Variants in NRXN3 observed in about 807,000 individuals in gnomAD.
NRXN3 encodes the protein neurexin 3.
Under a neutral mutation model 137.6 loss-of-function variants are expected in NRXN3, and 32 were observed. The ratio of observed to expected loss-of-function variants is 0.23; its 90% CI spans 0.18 to 0.31. The LOEUF (loss-of-function observed/expected upper bound fraction) is 0.31. Ranked by LOEUF, NRXN3 falls within the 10% of genes least tolerant of loss-of-function variation. The pLI, the probability that NRXN3 is intolerant of heterozygous loss-of-function variation, is 1.00. For synonymous variants in NRXN3, 798 were observed against 784.5 expected, an observed-to-expected ratio of 1.02 and a Z score of -0.29; for missense variants, 1,574 against 2,062.5, an observed-to-expected ratio of 0.76 and a Z score of 4.59.
At chr14:79,400,292 G>T (rs2095156285) in intron 15 of NRXN3, among the ~76,000 whole-genome samples, 1 of 152,086 alleles carries the variant, frequency 6.6e-6, no homozygotes, top group Non-Finnish European at 1.5e-5. Flanking sequence ...TAGTCTCTGG[G>T]AAGACTACGT....
chr14:79,098,053 C>T (rs2050658635), intron 15 of NRXN3, among the ~76,000 whole-genome samples: 1 of 152,186 alleles, frequency 6.6e-6, no homozygotes, highest in Non-Finnish European at 1.5e-5. Flanking sequence ...CTGCCTAAAC[C>T]TACACTGTAA....
At chr14:78,631,689 C>T (rs1464205417) in intron 4 of NRXN3, among the ~76,000 whole-genome samples, 3 of 152,292 alleles carry the variant, frequency 2.0e-5, no homozygotes, top group Non-Finnish European at 2.9e-5. Context: ...AGCTACCTTG[C>T]ACAATCCCTG....
intron 4 of NRXN3, among the ~76,000 whole-genome samples, chr14:78,434,980 G>A (rs2094012912): frequency 6.6e-6 from 1 of 152,190 alleles, no homozygotes; most frequent in Non-Finnish European, 1.5e-5. Flanking sequence ...GGCGGCTAAA[G>A]CCATTCAACA....
chr14:78,462,326 G>A (rs2094945001), intron 4 of NRXN3, among the ~76,000 whole-genome samples: 1 of 152,174 alleles, frequency 6.6e-6, no homozygotes, highest in South Asian at 2.1e-4. Context: ...GGGTGGCTCT[G>A]TCTCCTAGGG....
At chr14:78,931,583 C>A (rs958622706) in intron 10 of NRXN3, among the ~76,000 whole-genome samples, 1 of 152,056 alleles carries the variant, frequency 6.6e-6, no homozygotes, top group East Asian at 1.9e-4. Context: ...CAGATGAGGA[C>A]CCTGAGAATC....
chr14:79,638,815 G>A (rs964752019), intron 16 of NRXN3, among the ~76,000 whole-genome samples: 4 of 152,228 alleles, frequency 2.6e-5, no homozygotes, highest in African/African-American at 7.2e-5. Flanking sequence ...GCAGAGTAAC[G>A]GAGAAGGCGC....
chr14:79,081,050 T>C (rs1211118034), intron 15 of NRXN3, among the ~76,000 whole-genome samples: 1 of 152,214 alleles, frequency 6.6e-6, no homozygotes, highest in Admixed American at 6.5e-5. Flanking sequence ...TTTTTTAGCA[T>C]TTAGTAGATA....
chr14:79,597,918 C>T (rs2097877151), intron 16 of NRXN3, among the ~76,000 whole-genome samples: 1 of 152,114 alleles, frequency 6.6e-6, no homozygotes, highest in Non-Finnish European at 1.5e-5. Context: ...GGCATAAAGA[C>T]AAATGCTAAA....
chr14:79,131,213 G>T (rs2057417020), intron 15 of NRXN3, among the ~76,000 whole-genome samples: 1 of 152,158 alleles, frequency 6.6e-6, no homozygotes, highest in Non-Finnish European at 1.5e-5. Flanking sequence ...TTGTTCCATT[G>T]CTGGTGAGGA....
At chr14:78,385,286 AAGC>A (rs2089778319) in intron 4 of NRXN3, among the ~76,000 whole-genome samples, 2 of 118,882 alleles carry the variant, frequency 1.7e-5, no homozygotes, top group Non-Finnish European at 3.4e-5. Flanking sequence ...TCTGAACTTT[AAGC>A]AACACACACA....
At chr14:79,320,507 C>T (rs1176441026) in intron 15 of NRXN3, among the ~76,000 whole-genome samples, 1 of 152,156 alleles carries the variant, frequency 6.6e-6, no homozygotes, top group East Asian at 1.9e-4. Context: ...TAACCAGTAG[C>T]ATAATGGATA....
In NRXN3 at chr14:78,709,266, G is replaced by A. The variant is rs148738050; in HGVS notation, c.1271G>A (p.Arg424Gln). ...DIRLELSRLA[R>Q]IADTKMKIYG... The stretch of plus-strand genomic sequence containing the variant: ...CGTCTGGAGCTGTCTCGCCTGGCCC[G>A]GATTGCGGACACCAAGATGAAAATC... The change falls in exon 7 of 21, where the codon CGG becomes CAG. Residue 424 changes from arginine (R) to glutamine (Q), a missense_variant. This residue lies in a region of NRXN3 where 718 missense variants were observed against 887.6 expected (regional missense o/e 0.81). Coordinates refer to ENST00000335750, the MANE Select transcript of NRXN3 (RefSeq NM_001330195.2). 4.2e-4 allele frequency: 679 copies of A among 1,613,954 alleles called. 1 individual carries two copies. The highest frequency in any genetic ancestry group is 9.6e-4 in the South Asian group (87 of 91,076).
intron 15 of NRXN3, among the ~76,000 whole-genome samples, chr14:79,202,757 C>T (rs374706989): frequency 3.3e-5 from 5 of 152,256 alleles, no homozygotes; most frequent in African/African-American, 1.2e-4. Context: ...ATATATACCA[C>T]AGTTTCTTTA....
intron 19 of NRXN3, among the ~76,000 whole-genome samples, chr14:79,734,417 G>A (rs1007219388): frequency 2.0e-5 from 3 of 152,196 alleles, no homozygotes; most frequent in Admixed American, 1.3e-4. Context: ...TTGATAATTA[G>A]ATGGCAGATG....
At chr14:79,100,021 G>A (rs2050984857) in intron 15 of NRXN3, among the ~76,000 whole-genome samples, 1 of 152,188 alleles carries the variant, frequency 6.6e-6, no homozygotes, top group East Asian at 1.9e-4. Flanking sequence ...GTTGATGAAT[G>A]AAAGATGTGA....
intron 15 of NRXN3, among the ~76,000 whole-genome samples, chr14:79,437,077 C>G (rs1008764779): frequency 6.6e-6 from 1 of 152,098 alleles, no homozygotes; most frequent in Non-Finnish European, 1.5e-5. Flanking sequence ...AAGGCCCTTC[C>G]GAATCTATCT....
At chr14:79,474,439 T>A (rs546082213) in intron 16 of NRXN3, among the ~76,000 whole-genome samples, 16 of 152,216 alleles carry the variant, frequency 1.1e-4, no homozygotes, top group Middle Eastern at 3.4e-3. Context: ...CAAAATTTTT[T>A]AATTTCTGTT....
chr14:79,319,029 C>T (rs1401237578), intron 15 of NRXN3, among the ~76,000 whole-genome samples: 2 of 152,098 alleles, frequency 1.3e-5, no homozygotes, highest in African/African-American at 2.4e-5. Context: ...TACAGTTACT[C>T]AAGAATGTAT....
At chr14:78,396,633 T>G (rs1381973246) in intron 4 of NRXN3, among the ~76,000 whole-genome samples, 1 of 152,226 alleles carries the variant, frequency 6.6e-6, no homozygotes, top group Non-Finnish European at 1.5e-5. Context: ...CTTTCTGCAT[T>G]TAAAACATGT....
Sources: allele counts gnomAD v4.1 joint callset (sites outside exome capture counted in the v4.1 genomes callset), GRCh38; gene constraint gnomAD v4.1.1; regional missense constraint gnomAD v4.1.1; transcripts MANE v1.5; gene names NCBI Gene and HGNC (gene_info 2026-07-23, HGNC 2026-07-21).